CAMK2D: variants seen among roughly 807,000 people sequenced by gnomAD.
The protein encoded by CAMK2D is calcium/calmodulin-dependent protein kinase type II subunit delta.
CAMK2D carries 37 observed loss-of-function variants against 84.0 expected under a neutral mutation model. The observed-to-expected ratio is 0.44, with a 90% CI of 0.34 to 0.58. The LOEUF (loss-of-function observed/expected upper bound fraction) is 0.58, where lower values mean the gene tolerates loss of function less well. Ranked by LOEUF, CAMK2D falls within the 20% of genes least tolerant of loss-of-function variation. The pLI, the probability that CAMK2D is intolerant of heterozygous loss-of-function variation, is 0.02. For missense variants in CAMK2D, 448 were observed against 652.5 expected, an observed-to-expected ratio of 0.69 and a Z score of 3.41; for synonymous variants, 202 against 212.5, an observed-to-expected ratio of 0.95 and a Z score of 0.43.
intron 3 of CAMK2D, among the ~76,000 whole-genome samples, chr4:113,625,962 C>G (rs912649556): frequency 1.3e-5 from 2 of 150,276 alleles, no homozygotes; most frequent in Non-Finnish European, 3.0e-5. Context: ...TGTAGTGAGC[C>G]AAGATTGCAC....
chr4:113,645,163 C>T (rs2099146683), intron 3 of CAMK2D, among the ~76,000 whole-genome samples: 1 of 152,066 alleles, frequency 6.6e-6, no homozygotes, highest in Admixed American at 6.6e-5. Flanking sequence ...ACTACAGGCG[C>T]CCGCCACCAC....
chr4:113,557,569 T>C (rs144518637), intron 4 of CAMK2D, among the ~76,000 whole-genome samples: 3 of 152,314 alleles, frequency 2.0e-5, no homozygotes, highest in African/African-American at 4.8e-5. Context: ...TGACAGTCAT[T>C]TATAGCATCC....
intron 4 of CAMK2D, among the ~76,000 whole-genome samples, chr4:113,567,977 A>G (rs544431694): frequency 6.6e-6 from 1 of 152,324 alleles, no homozygotes; most frequent in Admixed American, 6.5e-5. Context: ...AGGAGAAGTA[A>G]TTAACAATAG....
At chr4:113,547,528 C>G (rs2098589144) in intron 6 of CAMK2D, 116 bp downstream of exon 6, 1 of 525,536 alleles carries the variant, frequency 1.9e-6, no homozygotes, top group South Asian at 2.9e-5. Context: ...GAGTAACGTG[C>G]TGGAATAAGT....
chr4:113,506,115 T>C (rs540462915), intron 13 of CAMK2D, among the ~76,000 whole-genome samples: 2 of 152,274 alleles, frequency 1.3e-5, no homozygotes, highest in African/African-American at 4.8e-5. Flanking sequence ...GAGAAACATA[T>C]ACTATATAAA....
At chr4:113,527,609 TC>T (rs1486316017) in intron 8 of CAMK2D, among the ~76,000 whole-genome samples, 1 of 152,140 alleles carries the variant, frequency 6.6e-6, no homozygotes, top group Non-Finnish European at 1.5e-5. Context: ...ATATGCTTCA[TC>T]ATTGATTTTT....
At chr4:113,502,860 C>A in intron 15 of CAMK2D, 76 bp downstream of exon 15, 3 of 1,024,516 alleles carry the variant, frequency 2.9e-6, no homozygotes, top group South Asian at 1.3e-5. Flanking sequence ...TTTTAGATAA[C>A]GAATTAATTT....
chr4:113,761,258 G>A lies in CAMK2D; in HGVS notation c.-190C>T. The A allele has an allele frequency of 1.4e-5, 20 of 1,457,724 alleles. No homozygotes were observed. Among genetic ancestry groups the A allele is most frequent in the Admixed American group, 2.4e-5 (1 of 42,186 alleles). The allele number at this position is 1,457,724 out of a possible 1,614,324, so 90.3% of individuals were successfully genotyped here. ...GGAGGGGAGATGACCAGAAAGGGTG[G>A]CGTGGGGTCTCCTCCCCACAGTCCG... On this transcript the variant is annotated 5_prime_UTR_variant, in exon 1 of 21. Coordinates refer to ENST00000511664, the MANE Select transcript of CAMK2D (RefSeq NM_001321571.2).
In CAMK2D at chr4:113,453,588, A is replaced by G. The variant is rs1336538937; in HGVS notation, c.*957T>C. 6.6e-6 allele frequency: 1 copy of G among 152,164 alleles called. No individual in the cohort carries two copies. Among genetic ancestry groups the G allele is most frequent in the Non-Finnish European group, 1.5e-5 (1 of 68,020 alleles). The allele number at this position is 152,164 out of a possible 1,614,324, so 9.4% of individuals were successfully genotyped here. A position where few individuals can be genotyped will look rare whatever the true frequency, so the allele number is the denominator to read the frequency against. ...TTTTTGTGGGCCCTGAAGATGATCA[A>G]AAGTGCTAGTATAGCTACCTTCAAA... On this transcript the variant is annotated 3_prime_UTR_variant, in exon 21 of 21. Transcript: ENST00000511664.
intron 13 of CAMK2D, among the ~76,000 whole-genome samples, chr4:113,505,479 C>T (rs2098116918): frequency 6.6e-6 from 1 of 152,136 alleles, no homozygotes; most frequent in Non-Finnish European, 1.5e-5. Context: ...CTCTGGGGAT[C>T]CAGCATTACT....
chr4:113,645,370 A>C (rs2099147769), intron 3 of CAMK2D, among the ~76,000 whole-genome samples: 1 of 152,172 alleles, frequency 6.6e-6, no homozygotes, highest in African/African-American at 2.4e-5. Context: ...TTTAGTGTCC[A>C]TAAGTAAAGG....
intron 4 of CAMK2D, among the ~76,000 whole-genome samples, chr4:113,565,451 G>A (rs866498749): frequency 1.3e-5 from 2 of 152,074 alleles, no homozygotes; most frequent in African/African-American, 4.8e-5. Flanking sequence ...AGGAGTTCAA[G>A]AACAGCCTGG....
intron 16 of CAMK2D, among the ~76,000 whole-genome samples, chr4:113,487,040 T>C (rs2097772514): frequency 6.6e-6 from 1 of 152,226 alleles, no homozygotes; most frequent in African/African-American, 2.4e-5. Flanking sequence ...AATACCACTG[T>C]TTCGGATGTG....
intron 4 of CAMK2D, among the ~76,000 whole-genome samples, chr4:113,555,449 T>C (rs2098658108): frequency 6.6e-6 from 1 of 152,120 alleles, no homozygotes; most frequent in Admixed American, 6.6e-5. Flanking sequence ...GGAAATTAAC[T>C]TAAAGCTGAA....
intron 16 of CAMK2D, among the ~76,000 whole-genome samples, chr4:113,481,697 G>C (rs1392531845): frequency 6.6e-6 from 1 of 152,146 alleles, no homozygotes; most frequent in East Asian, 1.9e-4. Flanking sequence ...GGCCAGGCTG[G>C]TCTCAAAAAC....
chr4:113,644,480 G>T (rs745905854), intron 3 of CAMK2D, among the ~76,000 whole-genome samples: 15 of 152,150 alleles, frequency 9.9e-5, no homozygotes, highest in Non-Finnish European at 1.9e-4. Flanking sequence ...ACCTAGGTGT[G>T]GTGGTTGGCA....
chr4:113,573,614 T>A (rs2098765275), intron 4 of CAMK2D, among the ~76,000 whole-genome samples: 1 of 152,222 alleles, frequency 6.6e-6, no homozygotes, highest in Non-Finnish European at 1.5e-5. Flanking sequence ...TCAGGCATTG[T>A]ATAATAAGGC....
chr4:113,619,160 T>A (rs1345019607), intron 3 of CAMK2D, among the ~76,000 whole-genome samples: 1 of 151,048 alleles, frequency 6.6e-6, no homozygotes, highest in Non-Finnish European at 1.5e-5. Context: ...TGACCCTTTC[T>A]GTGAAAGCAA....
chr4:113,528,814 T>G (rs1413540217), intron 8 of CAMK2D, among the ~76,000 whole-genome samples: 1 of 152,218 alleles, frequency 6.6e-6, no homozygotes, highest in African/African-American at 2.4e-5. Flanking sequence ...GATCTATGTA[T>G]GCTGGGAGCT....
Sources: allele counts gnomAD v4.1 joint callset (sites outside exome capture counted in the v4.1 genomes callset), GRCh38; gene constraint gnomAD v4.1.1; transcripts MANE v1.5; gene names NCBI Gene and HGNC (gene_info 2026-07-23, HGNC 2026-07-21).